The following IGHMBP2 variants were observed in gnomAD, a reference collection of about 807,000 sequenced individuals.
IGHMBP2 encodes DNA-binding protein SMUBP-2.
IGHMBP2 carries 81 observed loss-of-function variants against 96.0 expected under a neutral mutation model. The ratio of observed to expected loss-of-function variants is 0.84; its 90% CI spans 0.71 to 1.01. The LOEUF (loss-of-function observed/expected upper bound fraction) is 1.01, where lower values mean the gene tolerates loss of function less well. IGHMBP2 is among the 50% of genes least tolerant of loss of function. The pLI, the probability that IGHMBP2 is intolerant of heterozygous loss-of-function variation, is 0.00. For missense variants in IGHMBP2, 1,227 were observed against 1,306.3 expected (o/e 0.94, Z 0.94); for synonymous variants, 557 against 548.9 (o/e 1.01, Z -0.21).
chr11:68,927,657 G>A (rs779674335), intron 7 of IGHMBP2, among the ~76,000 whole-genome samples: 2 of 152,190 alleles, frequency 1.3e-5, no homozygotes, highest in African/African-American at 2.4e-5. Flanking sequence ...ATTATTCTCT[G>A]TCTTAGAAAA....
Position 68,924,199 on chromosome 11 carries a change from C to T in IGHMBP2, c.1061-4984C>T, listed in dbSNP as rs77761706. ...GTAAATGCAGTCCCTGCTATTCCAT[C>T]TTGGGCAGAGGTGGAGGACGCACAT... is the stretch of plus-strand genomic sequence containing the variant. On this transcript the variant is annotated intron_variant, in intron 7 of 14. Coordinates refer to ENST00000255078, the MANE Select transcript of IGHMBP2 (RefSeq NM_002180.3). Among the ~76,000 whole-genome samples, 729 of 152,302 alleles carry T rather than the reference C, an allele frequency of 4.8e-3. 4 individuals are homozygous for T. The highest frequency in any genetic ancestry group is 0.017 in the African/African-American group (695 of 41,544).
At chr11:68,934,767 C>T (rs941253173) in intron 11 of IGHMBP2, among the ~76,000 whole-genome samples, 7 of 152,316 alleles carry the variant, frequency 4.6e-5, no homozygotes, top group African/African-American at 7.2e-5. Context: ...CCGCCCTGCC[C>T]GGTGCCCCAG....
rs772280279 is a variant in IGHMBP2, at chr11:68,908,161, G to A, written c.273G>A (p.Leu91=). 5.6e-6 allele frequency: 9 copies of A among 1,613,878 alleles called. No individual in the cohort carries two copies. The highest frequency in any genetic ancestry group is 1.3e-5 in the African/African-American group (1 of 74,874). The change falls in exon 3 of 15, where the codon CTG becomes CTA. Residue 91 remains leucine (L), a synonymous_variant. Transcript: ENST00000255078. ...NSFTSGDIVG[L]YDAANEGSQL... ...TTTTTGCAGGTGATATCGTGGGCCTGTACGATGCTGCTAATGAGGGCAGTC... is the reference window on the plus strand; with the variant it reads ...TTTTTGCAGGTGATATCGTGGGCCTATACGATGCTGCTAATGAGGGCAGTC...
At position 68,936,308 on chromosome 11, in the gene IGHMBP2, G is replaced by T; in HGVS notation, c.1828G>T (p.Val610Phe). 1 of 1,614,214 alleles carries T rather than the reference G, an allele frequency of 6.2e-7. No homozygotes were observed. The highest frequency in any genetic ancestry group is 8.5e-7 in the Non-Finnish European group (1 of 1,180,022). ...AVTRARRHVAVICDSRTVNNH... is the reference protein window; with the variant it reads ...AVTRARRHVAFICDSRTVNNH... ...CACCCGTGCCCGACGCCACGTGGCG[G>T]TCATCTGTGACTCCCGTACTGTCAA... Residue 610 changes from valine (V) to phenylalanine (F), a missense_variant, in exon 13 of 15, where the codon GTC becomes TTC. Physicochemically the swap from Val to Phe is conservative, Grantham distance 50. This residue lies in a region of IGHMBP2 where 703 missense variants were observed against 770.3 expected (regional missense o/e 0.91). Transcript: ENST00000255078.
intron 12 of IGHMBP2, among the ~76,000 whole-genome samples, 197 bp from the exon 13 acceptor site, chr11:68,936,040 C>G (rs931010861): frequency 3.3e-5 from 5 of 152,218 alleles, no homozygotes; most frequent in Non-Finnish European, 5.9e-5. Flanking sequence ...CCCCAGAGCC[C>G]CACTCAGTCA....
At chr11:68,931,655 C>T (rs1393724463) in intron 8 of IGHMBP2, among the ~76,000 whole-genome samples, 2 of 152,138 alleles carry the variant, frequency 1.3e-5, no homozygotes, top group Non-Finnish European at 2.9e-5. Flanking sequence ...AGCCAGGGTT[C>T]CCTGCTGCAG....
chr11:68,925,758 C>T (rs1266940298), intron 7 of IGHMBP2, among the ~76,000 whole-genome samples: 1 of 152,144 alleles, frequency 6.6e-6, no homozygotes. Context: ...TCTTTCAGCC[C>T]TTTGGACGTG....
chr11:68,930,831 C>T (rs746659783), intron 8 of IGHMBP2, among the ~76,000 whole-genome samples: 2 of 152,160 alleles, frequency 1.3e-5, no homozygotes, highest in Non-Finnish European at 2.9e-5. Flanking sequence ...CTCCTCTCTG[C>T]AGGCAAGTCA....
rs903852812 is a variant in IGHMBP2, at chr11:68,918,241, A to G, written c.1060+358A>G. Among the ~76,000 whole-genome samples the G allele has an allele frequency of 7.9e-5, 12 of 150,992 alleles. No homozygotes were observed. The East Asian group carries it at 2.3e-3, about 29-fold the overall frequency. ...CAGGATCTGTCATGATATAACCTGT[A>G]TTATTCCTGATACTGGTTTGTGTGC... On this transcript the variant is annotated intron_variant, in intron 7 of 14. Transcript: ENST00000255078.
At chr11:68,913,411 C>T (rs1164243347) in intron 5 of IGHMBP2, among the ~76,000 whole-genome samples, 1 of 152,080 alleles carries the variant, frequency 6.6e-6, no homozygotes, top group African/African-American at 2.4e-5. Flanking sequence ...GTGGCTGAGC[C>T]TCCTTCCTGA....
chr11:68,911,350 A>G (rs1376780386), intron 4 of IGHMBP2, 90 bp from the exon 5 acceptor site: 1 of 1,339,056 alleles, frequency 7.5e-7, no homozygotes, highest in African/African-American at 1.4e-5. Context: ...GACAGGCATC[A>G]CTCATCCCCC....
chr11:68,915,955 GT>G lies in IGHMBP2; in HGVS notation c.912+934del, dbSNP rs1481754856. 4.6e-5 allele frequency among the ~76,000 whole-genome samples: 7 copies of G among 151,642 alleles called. No homozygotes were observed. In the South Asian group the frequency reaches 1.3e-3, roughly 27 times the overall value. On this transcript the variant is annotated intron_variant, in intron 6 of 14. Coordinates refer to ENST00000255078, the MANE Select transcript of IGHMBP2 (RefSeq NM_002180.3). ...TTGGGAGGCCGAGGTGGGCGGAACAGTTGAGGTCAGGAGTTCGAGACCAGCC... is the reference window on the plus strand; with the variant it reads ...TTGGGAGGCCGAGGTGGGCGGAACAGTGAGGTCAGGAGTTCGAGACCAGCC...
chr11:68,933,565 A>G, intron 9 of IGHMBP2, 84 bp downstream of exon 9: 1 of 1,479,304 alleles, frequency 6.8e-7, no homozygotes, highest in South Asian at 1.2e-5. Context: ...AGCAAGCTAA[A>G]GTGAAGCTTT....
In IGHMBP2 at chr11:68,934,567, G is replaced by C. The variant is rs1321753239; in HGVS notation, c.1632+9G>C. The C allele has an allele frequency of 6.3e-7, 1 of 1,593,662 alleles. No homozygotes were observed. The highest frequency in any genetic ancestry group is 1.7e-5 in the Admixed American group (1 of 58,960). On this transcript the variant is annotated intron_variant, in intron 11 of 14. Coordinates refer to ENST00000255078, the MANE Select transcript of IGHMBP2 (RefSeq NM_002180.3). ...CGCCATACAACCTCCAGGTACGAGG[G>C]TTTCCTTTTGTCCCTCTACAGAGCA...
chr11:68,934,276 G>A (rs1859436563), intron 10 of IGHMBP2, 188 bp from the exon 11 acceptor site: 1 of 670,288 alleles, frequency 1.5e-6, no homozygotes, highest in Non-Finnish European at 2.7e-6. Flanking sequence ...TTGCTGATGT[G>A]AAATTCAAGT....
At chr11:68,904,699 G>T (rs1175467165) in intron 1 of IGHMBP2, among the ~76,000 whole-genome samples, 2 of 151,932 alleles carry the variant, frequency 1.3e-5, no homozygotes, top group African/African-American at 4.8e-5. Context: ...CTATTTACTT[G>T]TCCAAAACAA....
Position 68,933,865 on chromosome 11 carries a change from G to T in IGHMBP2, c.1489G>T (p.Gly497Trp), listed in dbSNP as rs764111837. The T allele has an allele frequency of 3.7e-5, 60 of 1,606,110 alleles. No homozygotes were observed. The highest frequency in any genetic ancestry group is 5.0e-5 in the Non-Finnish European group (59 of 1,176,204). Residue 497 changes from glycine to tryptophan, a missense_variant, in exon 10 of 15, where the codon GGG becomes TGG. Gly to Trp is a radical substitution (Grantham distance 184). Transcript: ENST00000255078. ...GCTCTTGGTGGACACCGCCGGCTGC[G>T]GGCTGTTTGAGCTGGAGGAGGAGGA... ...PLLLVDTAGC[G>W]LFELEEEDEQ...
chr11:68,936,125 G>A (rs1054117711), intron 12 of IGHMBP2, 112 bp from the exon 13 acceptor site: 2 of 1,257,126 alleles, frequency 1.6e-6, no homozygotes, highest in African/African-American at 1.5e-5. Flanking sequence ...GTGGATGGTG[G>A]GCCACGCGCA....
Position 68,937,472 on chromosome 11 carries a change from A to T in IGHMBP2, c.2611+381A>T, listed in dbSNP as rs532191841. Among the ~76,000 whole-genome samples, 7 of 152,386 alleles carry T rather than the reference A, an allele frequency of 4.6e-5. No individual in the cohort carries two copies. The East Asian group carries it at 1.3e-3, about 29-fold the overall frequency. On this transcript the variant is annotated intron_variant, in intron 13 of 14. Transcript: ENST00000255078. ...GAGGGTGGAGGTCTTGCACAGCGAA[A>T]GGGTGCACTCTGCCTGGAAGTTGTC...
Sources: allele counts gnomAD v4.1 joint callset (sites outside exome capture counted in the v4.1 genomes callset), GRCh38; gene constraint gnomAD v4.1.1; regional missense constraint gnomAD v4.1.1; transcripts MANE v1.5; gene names NCBI Gene and HGNC (gene_info 2026-07-23, HGNC 2026-07-21).